Variants in CATSPER3 observed in about 807,000 individuals in gnomAD.
The protein encoded by CATSPER3 is cation channel sperm-associated protein 3.
Under a neutral mutation model 36.6 loss-of-function variants are expected in CATSPER3, and 23 were observed. The ratio of observed to expected loss-of-function variants is 0.63; its 90% CI spans 0.45 to 0.89. The LOEUF is 0.89. Ranked by LOEUF, CATSPER3 falls within the 40% of genes least tolerant of loss-of-function variation. The probability of loss-of-function intolerance (pLI) is 0.00; values close to 1 mark genes in which losing one functional copy is unlikely to be tolerated. For synonymous variants in CATSPER3, 172 were observed against 184.1 expected (o/e 0.93, Z 0.53); for missense variants, 474 against 503.9 (o/e 0.94, Z 0.57).
intron 2 of CATSPER3, among the ~76,000 whole-genome samples, chr5:134,994,319 A>G (rs1337097754): frequency 1.3e-5 from 2 of 152,262 alleles, no homozygotes; most frequent in South Asian, 2.1e-4. Context: ...TAATTTAAAC[A>G]TATAAAAATG....
Position 135,011,607 on chromosome 5 carries a change from A to C in CATSPER3, c.1181A>C (p.Lys394Thr), listed in dbSNP as rs541637609. 1.1e-5 allele frequency: 17 copies of C among 1,613,486 alleles called. No individual in the cohort carries two copies. In the East Asian group the frequency reaches 1.6e-4, roughly 15 times the overall value. The change falls in exon 8 of 8, where the codon AAG becomes ACG. Residue 394 changes from lysine (K) to threonine (T), a missense_variant. Physicochemically the swap from Lys to Thr is moderately conservative, Grantham distance 78. Coordinates refer to ENST00000282611, the MANE Select transcript of CATSPER3 (RefSeq NM_178019.3). ...CAGGAGAAGCCCCAGTCCTTGGAAAAGGTGGATGAGAAGTAGCTGGGCATG... is the reference window on the plus strand; with the variant it reads ...CAGGAGAAGCCCCAGTCCTTGGAAACGGTGGATGAGAAGTAGCTGGGCATG... ...LPQEKPQSLE[K>T]VDEK is the part of the protein sequence containing the mutation.
intron 2 of CATSPER3, among the ~76,000 whole-genome samples, chr5:134,974,813 T>C (rs1751648514): frequency 6.6e-6 from 1 of 152,198 alleles, no homozygotes; most frequent in South Asian, 2.1e-4. Flanking sequence ...ACACCACAAA[T>C]CCAGAGATTG....
intron 2 of CATSPER3, among the ~76,000 whole-genome samples, chr5:134,978,891 T>C (rs1294242358): frequency 6.6e-6 from 1 of 151,754 alleles, no homozygotes; most frequent in Non-Finnish European, 1.5e-5. Context: ...GGCTAATTTA[T>C]TTTTGTATTT....
chr5:134,987,821 A>C (rs1012391678), intron 2 of CATSPER3, among the ~76,000 whole-genome samples: 1 of 152,220 alleles, frequency 6.6e-6, no homozygotes, highest in African/African-American at 2.4e-5. Context: ...GGCATTTATG[A>C]AAAAACCCAC....
At position 135,008,109 on chromosome 5, in the gene CATSPER3, A is replaced by G. The variant is rs177252; in HGVS notation, c.645A>G (p.Ala215=). 0.35 allele frequency: 558,590 copies of G among 1,613,338 alleles called. 103,686 individuals are homozygous for G. The highest frequency in any genetic ancestry group is 0.6 in the African/African-American group (44,641 of 74,860). ...ATGATAACTGGGGGAACCTGGCTGC[A>G]GCTTTTTTCACCCTCTTCAGCTTGG... ...GDHDNWGNLA[A]AFFTLFSLAT... is the part of the protein sequence containing the mutation. The change falls in exon 4 of 8, where the codon GCA becomes GCG. Residue 215 remains alanine, a synonymous_variant. Transcript: ENST00000282611.
rs551862079 is a variant in CATSPER3, at chr5:134,986,118, CA to C, written c.253-10152del. On this transcript the variant is annotated intron_variant, in intron 2 of 7. Coordinates refer to ENST00000282611, the MANE Select transcript of CATSPER3 (RefSeq NM_178019.3). ...AACTACAGAGGAAAACTACATTTTTCAAATATGTGTAAATTAAACAGCATAC... is the reference window on the plus strand; with the variant it reads ...AACTACAGAGGAAAACTACATTTTTCAATATGTGTAAATTAAACAGCATAC... Among the ~76,000 whole-genome samples, 215 of 151,220 alleles carry C rather than the reference CA, an allele frequency of 1.4e-3. 1 individual carries two copies. The highest frequency in any genetic ancestry group is 3.4e-3 in the Middle Eastern group (1 of 294).
chr5:134,997,793 A>G (rs1276107389), intron 3 of CATSPER3, among the ~76,000 whole-genome samples: 1 of 151,958 alleles, frequency 6.6e-6, no homozygotes, highest in Non-Finnish European at 1.5e-5. Flanking sequence ...TGACCTTTAG[A>G]CCCAGCTGCC....
At chr5:135,011,301 A>G (rs1752177239) in intron 7 of CATSPER3, among the ~76,000 whole-genome samples, 1 of 152,190 alleles carries the variant, frequency 6.6e-6, no homozygotes, top group Non-Finnish European at 1.5e-5. Flanking sequence ...GGACCTAAGA[A>G]TTTATTTCCA....
Position 134,969,988 on chromosome 5 carries a change from C to T in CATSPER3, c.148C>T (p.Arg50Cys), listed in dbSNP as rs766971508. 4.3e-6 allele frequency: 7 copies of T among 1,613,770 alleles called. No homozygotes were observed. Among genetic ancestry groups the T allele is most frequent in the African/African-American group, 2.7e-5 (2 of 74,828 alleles). ...RAFVKRVIMS[R>C]FFKIIMISTV... ...ATTTGTGAAGAGAGTCATAATGAGC[C>T]GTTTCTTTAAGATAATTATGATTAG... The change falls in exon 2 of 8, where the codon CGT (arginine) becomes TGT (cysteine). Residue 50 changes from arginine to cysteine, a missense_variant. By Grantham distance (180) the Arg-to-Cys change is radical (BLOSUM62 -3). Transcript: ENST00000282611.
intron 2 of CATSPER3, among the ~76,000 whole-genome samples, chr5:134,978,489 A>G (rs1288382619): frequency 6.6e-6 from 1 of 152,200 alleles, no homozygotes; most frequent in Non-Finnish European, 1.5e-5. Flanking sequence ...TCTATAAAAA[A>G]ACTGATTGCA....
intron 2 of CATSPER3, among the ~76,000 whole-genome samples, chr5:134,980,678 C>T (rs886547786): frequency 9.9e-5 from 15 of 152,192 alleles, no homozygotes; most frequent in African/African-American, 3.4e-4. Context: ...ATCCTCCCTC[C>T]TCAGCCTCCC....
chr5:135,010,040 C>T (rs896458909), intron 6 of CATSPER3, among the ~76,000 whole-genome samples: 11 of 152,226 alleles, frequency 7.2e-5, no homozygotes, highest in African/African-American at 2.2e-4. Flanking sequence ...TCTGCTGGGC[C>T]TCCCTCCCTT....
chr5:134,996,664 T>A, intron 3 of CATSPER3, 152 bp downstream of exon 3: 3 of 722,440 alleles, frequency 4.2e-6, no homozygotes, highest in Non-Finnish European at 6.9e-6. Flanking sequence ...TTATCTCATT[T>A]AATCTTAAAA....
intron 2 of CATSPER3, among the ~76,000 whole-genome samples, chr5:134,984,848 C>T (rs1751790609): frequency 6.7e-6 from 1 of 148,632 alleles, no homozygotes; most frequent in Non-Finnish European, 1.5e-5. Context: ...TGGAATCTGG[C>T]TCTGTTGCCC....
intron 2 of CATSPER3, among the ~76,000 whole-genome samples, chr5:134,986,720 C>T (rs1052940664): frequency 8.5e-5 from 13 of 152,200 alleles, no homozygotes; most frequent in Non-Finnish European, 1.9e-4. Context: ...GCCTCAGCCT[C>T]CCAAAGTGCT....
chr5:134,976,643 G>A (rs371795528), intron 2 of CATSPER3, among the ~76,000 whole-genome samples: 1 of 152,252 alleles, frequency 6.6e-6, no homozygotes, highest in South Asian at 2.1e-4. Flanking sequence ...TGGAGACTGT[G>A]TGGGGGCTCT....
intron 3 of CATSPER3, among the ~76,000 whole-genome samples, chr5:135,001,908 C>T (rs1752024275): frequency 6.6e-6 from 1 of 152,180 alleles, no homozygotes; most frequent in South Asian, 2.1e-4. Flanking sequence ...GGTCTTGACT[C>T]TTTATCCAAT....
At position 134,996,613 on chromosome 5, in the gene CATSPER3, T is replaced by C; in HGVS notation, c.492+101T>C. ...AATGACTCTACTACCATCTTCCAGT[T>C]GTTGAGTCCAACGTGTGTGGCAGGT... On this transcript the variant is annotated intron_variant, in intron 3 of 7. Coordinates refer to ENST00000282611, the MANE Select transcript of CATSPER3 (RefSeq NM_178019.3). 4 of 1,191,806 alleles carry C rather than the reference T, an allele frequency of 3.4e-6. No individual in the cohort carries two copies. In the South Asian group the frequency reaches 5.2e-5, roughly 15 times the overall value. The allele number at this position is 1,191,806 out of a possible 1,614,324, so 73.8% of individuals were successfully genotyped here.
At chr5:135,011,293 A>G (rs933121102) in intron 7 of CATSPER3, among the ~76,000 whole-genome samples, 3 of 152,140 alleles carry the variant, frequency 2.0e-5, no homozygotes, top group African/African-American at 7.2e-5. Flanking sequence ...TTCTCTCAGG[A>G]CCTAAGAATT....
Sources: allele counts gnomAD v4.1 joint callset (sites outside exome capture counted in the v4.1 genomes callset), GRCh38; gene constraint gnomAD v4.1.1; transcripts MANE v1.5; gene names NCBI Gene and HGNC (gene_info 2026-07-23, HGNC 2026-07-21).